PIWIL3: variants seen among roughly 807,000 people sequenced by gnomAD.
The protein encoded by PIWIL3 is piwi like RNA-mediated gene silencing 3.
PIWIL3 carries 101 observed loss-of-function variants against 109.7 expected under a neutral mutation model. That is an observed-to-expected ratio of 0.92 (90% CI 0.78 to 1.09). The LOEUF (loss-of-function observed/expected upper bound fraction) is 1.09, where lower values mean the gene tolerates loss of function less well. PIWIL3 is among the 50% of genes least tolerant of loss of function. The probability of loss-of-function intolerance (pLI) is 0.00; values close to 1 mark genes in which losing one functional copy is unlikely to be tolerated. For synonymous variants in PIWIL3, 373 were observed against 376.4 expected (o/e 0.99, Z 0.10); for missense variants, 1,031 against 1,072.6 (o/e 0.96, Z 0.54).
At chr22:24,735,623 C>A in intron 13 of PIWIL3, 85 bp downstream of exon 13, 3 of 1,319,172 alleles carry the variant, frequency 2.3e-6, no homozygotes, top group Non-Finnish European at 3.1e-6. Context: ...ATACAGTGAC[C>A]AATTCCTACA....
At chr22:24,756,789 C>A in intron 4 of PIWIL3, 84 bp from the exon 5 acceptor site, 1 of 1,249,682 alleles carries the variant, frequency 8.0e-7, no homozygotes, top group South Asian at 1.3e-5. Flanking sequence ...TATTAAAAGC[C>A]AAAGTTAGGG....
intron 14 of PIWIL3, among the ~76,000 whole-genome samples, chr22:24,731,423 C>T (rs988042791): frequency 2.6e-5 from 4 of 152,240 alleles, no homozygotes; most frequent in Middle Eastern, 3.4e-3. Flanking sequence ...GAGGCTGAGG[C>T]GGGCAGATCA....
chr22:24,729,916 G>A (rs1231459042), intron 14 of PIWIL3, among the ~76,000 whole-genome samples: 1 of 149,818 alleles, frequency 6.7e-6, no homozygotes, highest in Non-Finnish European at 1.5e-5. Context: ...AATCTATACT[G>A]ATGGATTCTA....
chr22:24,728,270 G>C lies in PIWIL3; in HGVS notation c.1812C>G (p.Thr604=). ...TGGTCCTTGCCTGGACTTTTTCTAA[G>C]GTCTTTTTCACCACACACTGGCTTG... ...PIPSQCVVKK[T]LEKVQARTIV... Residue 604 remains threonine, a synonymous_variant, in exon 15 of 21, where the codon ACC becomes ACG. Coordinates refer to ENST00000616349, the MANE Select transcript of PIWIL3 (RefSeq NM_001255975.1). 6.2e-7 allele frequency: 1 copy of C among 1,614,156 alleles called. No homozygotes were observed. The highest frequency in any genetic ancestry group is 8.5e-7 in the Non-Finnish European group (1 of 1,180,032).
chr22:24,743,430 T>G (rs992242903), intron 12 of PIWIL3, among the ~76,000 whole-genome samples: 1 of 152,210 alleles, frequency 6.6e-6, no homozygotes, highest in Admixed American at 6.5e-5. Context: ...CACAAAAATA[T>G]AGAACCATCC....
chr22:24,761,333 G>A (rs1177442811), intron 2 of PIWIL3, among the ~76,000 whole-genome samples: 16 of 152,160 alleles, frequency 1.1e-4, no homozygotes, highest in Non-Finnish European at 4.4e-5. Context: ...AGCAAGTGGG[G>A]GTGGTCAGTG....
chr22:24,761,808 G>C (rs1244380464), intron 2 of PIWIL3: 1 of 312,972 alleles, frequency 3.2e-6, no homozygotes, highest in Non-Finnish European at 4.6e-6. Context: ...ATTAGGACCA[G>C]GAGGAGGAAT....
chr22:24,751,303 A>G (rs1287943102), intron 9 of PIWIL3, 84 bp downstream of exon 9: 3 of 1,340,534 alleles, frequency 2.2e-6, no homozygotes, highest in Admixed American at 2.2e-5. Context: ...TATATGACAA[A>G]TATGTTCAAG....
intron 6 of PIWIL3, 108 bp downstream of exon 6, chr22:24,755,676 G>A: frequency 7.2e-7 from 1 of 1,390,336 alleles, no homozygotes; most frequent in Non-Finnish European, 9.9e-7. Context: ...CTTAATACAT[G>A]AGGACTAGGA....
At chr22:24,738,163 A>G (rs929529711) in intron 12 of PIWIL3, among the ~76,000 whole-genome samples, 2 of 152,144 alleles carry the variant, frequency 1.3e-5, no homozygotes, top group African/African-American at 2.4e-5. Context: ...AAAGAAAGAA[A>G]AAGAAAAAGA....
chr22:24,735,964 G>A, intron 12 of PIWIL3, 72 bp from the exon 13 acceptor site: 2 of 1,224,356 alleles, frequency 1.6e-6, no homozygotes, highest in East Asian at 2.5e-5. Flanking sequence ...CCTGTACGCT[G>A]TAAATCCGTG....
chr22:24,759,283 A>G (rs756477936), intron 3 of PIWIL3, among the ~76,000 whole-genome samples: 9 of 152,244 alleles, frequency 5.9e-5, no homozygotes, highest in Admixed American at 2.0e-4. Flanking sequence ...CTCATTTTAT[A>G]GGTTCTGGAT....
At chr22:24,738,394 G>A (rs1315941254) in intron 12 of PIWIL3, among the ~76,000 whole-genome samples, 1 of 152,276 alleles carries the variant, frequency 6.6e-6, no homozygotes, top group Non-Finnish European at 1.5e-5. Context: ...CTAGGGCCTT[G>A]AGCCAACATA....
chr22:24,719,300 T>A lies in PIWIL3; in HGVS notation c.*172A>T. On this transcript the variant is annotated 3_prime_UTR_variant, in exon 21 of 21. Coordinates refer to ENST00000616349, the MANE Select transcript of PIWIL3 (RefSeq NM_001255975.1). ...GTTCTCCTCTCTGGAAAAATCAGTC[T>A]GTGGTAGTATTGAGAGTAGAACATA... The A allele has an allele frequency of 2.5e-6, 1 of 395,592 alleles. No homozygotes were observed. Among genetic ancestry groups the A allele is most frequent in the African/African-American group, 2.1e-5 (1 of 48,412 alleles). The allele number at this position is 395,592 out of a possible 1,614,324, so 24.5% of individuals were successfully genotyped here. A position where few individuals can be genotyped will look rare whatever the true frequency, so the allele number is the denominator to read the frequency against.
intron 2 of PIWIL3, among the ~76,000 whole-genome samples, 177 bp from the exon 3 acceptor site, chr22:24,760,166 G>GC (rs112608048): frequency 6.6e-6 from 1 of 151,894 alleles, no homozygotes; most frequent in African/African-American, 2.4e-5. Flanking sequence ...AATTGCTAAG[G>GC]AAAAAAACAA....
rs146304296 is a variant in PIWIL3, at chr22:24,773,807, C to A, written c.-23+515G>T. Among the ~76,000 whole-genome samples the A allele has an allele frequency of 8.5e-3, 1,271 of 150,272 alleles. 26 individuals are homozygous for A. The highest frequency in any genetic ancestry group is 0.03 in the African/African-American group (1,215 of 40,724). On this transcript the variant is annotated intron_variant, in intron 1 of 20. Transcript: ENST00000616349. The stretch of plus-strand genomic sequence containing the variant: ...TTGGCTCACTGCAACCTCCGCCTCC[C>A]AGGTTCAAGCAATCCTCCTGCCTCA...
intron 19 of PIWIL3, among the ~76,000 whole-genome samples, chr22:24,720,352 A>C (rs1056948553): frequency 2.8e-5 from 4 of 144,946 alleles, no homozygotes; most frequent in African/African-American, 7.8e-5. Context: ...GCTCACTGCA[A>C]GCTCTGCCTC....
chr22:24,745,404 C>T (rs1306131363), intron 12 of PIWIL3, among the ~76,000 whole-genome samples: 1 of 152,046 alleles, frequency 6.6e-6, no homozygotes, highest in Non-Finnish European at 1.5e-5. Flanking sequence ...CAAGACCAAC[C>T]TGGCCAAGAT....
intron 12 of PIWIL3, among the ~76,000 whole-genome samples, chr22:24,739,889 A>AAATAC (rs1386223499): frequency 1.3e-5 from 2 of 151,736 alleles, no homozygotes; most frequent in Non-Finnish European, 2.9e-5. Flanking sequence ...TCTCTACTAA[A>AAATAC]AATACAAAAA....
Sources: allele counts gnomAD v4.1 joint callset (sites outside exome capture counted in the v4.1 genomes callset), GRCh38; gene constraint gnomAD v4.1.1; transcripts MANE v1.5; gene names NCBI Gene and HGNC (gene_info 2026-07-23, HGNC 2026-07-21).